Variants in CC2D1B observed in about 807,000 individuals in gnomAD.
The protein encoded by CC2D1B is coiled-coil and C2 domain containing 1B.
CC2D1B carries 92 observed loss-of-function variants against 110.8 expected under a neutral mutation model. That is an observed-to-expected ratio of 0.83 (90% confidence interval 0.70 to 0.99). The LOEUF is 0.99. CC2D1B is among the 50% of genes least tolerant of loss of function. The pLI is 0.00. For missense variants in CC2D1B, 1,136 were observed against 1,089.0 expected, an observed-to-expected ratio of 1.04 and a Z score of -0.61; for synonymous variants, 406 against 429.2, an observed-to-expected ratio of 0.95 and a Z score of 0.67.
At chr1:52,358,306 C>T in intron 13 of CC2D1B, 25 bp downstream of exon 13, 6 of 1,608,260 alleles carry the variant, frequency 3.7e-6, no homozygotes, top group Non-Finnish European at 5.1e-6. Flanking sequence ...CCCCACCAGC[C>T]CTGGAGTTGA....
chr1:52,360,617 G>C (rs2147895100), intron 5 of CC2D1B, 68 bp from the exon 6 acceptor site: 1 of 1,565,454 alleles, frequency 6.4e-7, no homozygotes, highest in East Asian at 2.3e-5. Flanking sequence ...TCCCTCTGCG[G>C]AAGCTGCCCT....
At position 52,357,150 on chromosome 1, in the gene CC2D1B, G is replaced by A. The variant is rs765174436; in HGVS notation, c.1753-24C>T. ...ACCTACCCAGGTCACAAGGCCCCTCGGGCCCCAAGAGTCAGATTACTCCTC... is the reference window on the plus strand; with the variant it reads ...ACCTACCCAGGTCACAAGGCCCCTCAGGCCCCAAGAGTCAGATTACTCCTC... On this transcript the variant is annotated intron_variant, in intron 15 of 24. Coordinates refer to ENST00000284376, the MANE Select transcript of CC2D1B (RefSeq NM_001330585.2). The A allele has an allele frequency of 2.6e-5, 42 of 1,613,030 alleles. No individual in the cohort carries two copies. The East Asian group carries it at 3.6e-4, about 14-fold the overall frequency.
intron 6 of CC2D1B, 44 bp from the exon 7 acceptor site, chr1:52,360,277 C>A: frequency 6.2e-7 from 1 of 1,610,028 alleles, no homozygotes; most frequent in Non-Finnish European, 8.5e-7. Flanking sequence ...GCCATCTCAG[C>A]CCAGACCCTG....
At position 52,357,715 on chromosome 1, in the gene CC2D1B, A is replaced by G; in HGVS notation, c.1580-17T>C. On this transcript the variant is annotated splice_polypyrimidine_tract_variant and intron_variant, in intron 14 of 24. Coordinates refer to ENST00000284376, the MANE Select transcript of CC2D1B (RefSeq NM_001330585.2). ...GCTCCCGCACTGAAGGGAGAAGGCC[A>G]CTGGTTAGGGCCACACCTGCCCTCT... 6.2e-7 allele frequency: 1 copy of G among 1,610,352 alleles called. No individual in the cohort carries two copies. Among genetic ancestry groups the G allele is most frequent in the African/African-American group, 1.3e-5 (1 of 75,032 alleles).
intron 21 of CC2D1B, 131 bp downstream of exon 21, chr1:52,355,265 AGC>A: frequency 1.1e-6 from 1 of 916,986 alleles, no homozygotes; most frequent in Non-Finnish European, 1.7e-6. Flanking sequence ...CTACAGAAGA[AGC>A]ATGTTAACAG....
chr1:52,358,410 G>A lies in CC2D1B; in HGVS notation c.1382C>T (p.Ala461Val). The A allele has an allele frequency of 1.9e-6, 3 of 1,614,094 alleles. No individual in the cohort carries two copies. Among genetic ancestry groups the A allele is most frequent in the Non-Finnish European group, 1.7e-6 (2 of 1,180,026 alleles). ...TGCAGCTGCCAATGTCGCTGCCACTGCGTCCTCCTCAACACCCATAGTGGA... is the reference window on the plus strand; with the variant it reads ...TGCAGCTGCCAATGTCGCTGCCACTACGTCCTCCTCAACACCCATAGTGGA... ...LESTMGVEED[A>V]VAATLAAAEK... The change falls in exon 13 of 25, where the codon GCA (alanine) becomes GTA (valine). Residue 461 changes from alanine to valine, a missense_variant. Physicochemically the swap from Ala to Val is moderately conservative, Grantham distance 64. Transcript: ENST00000284376.
rs1646545981 is a variant in CC2D1B, at chr1:52,352,467, T to G, written c.*758A>C. 1 of 152,660 alleles carries G rather than the reference T, an allele frequency of 6.6e-6. No individual in the cohort carries two copies. Among genetic ancestry groups the G allele is most frequent in the African/African-American group, 2.4e-5 (1 of 41,456 alleles). The allele number at this position is 152,660 out of a possible 1,614,324, so 9.5% of individuals were successfully genotyped here. A position where few individuals can be genotyped will look rare whatever the true frequency, so the allele number is the denominator to read the frequency against. ...TAGATTAGGACTTTGGTGGATACTC[T>G]GTATAGTTGAGTATAAAATCCCTAC... On this transcript the variant is annotated 3_prime_UTR_variant, in exon 25 of 25. Coordinates refer to ENST00000284376, the MANE Select transcript of CC2D1B (RefSeq NM_001330585.2).
At position 52,360,504 on chromosome 1, in the gene CC2D1B, G is replaced by T; in HGVS notation, c.523C>A (p.His175Asn). The T allele has an allele frequency of 6.2e-7, 1 of 1,614,110 alleles. No homozygotes were observed. Among genetic ancestry groups the T allele is most frequent in the South Asian group, 1.1e-5 (1 of 91,076 alleles). ...GLHALLEERI[H>N]NYREAAASAK... ...CTGGCCGCAGCCTCTCGGTAGTTGTGAATCCGTTCCTCCAGCAAAGCGTGT... is the reference window on the plus strand; with the variant it reads ...CTGGCCGCAGCCTCTCGGTAGTTGTTAATCCGTTCCTCCAGCAAAGCGTGT... Residue 175 changes from histidine (H) to asparagine (N), a missense_variant, in exon 6 of 25, where the codon CAC (histidine) becomes AAC (asparagine). Coordinates refer to ENST00000284376, the MANE Select transcript of CC2D1B (RefSeq NM_001330585.2).
chr1:52,354,462 A>G (rs1411372030), intron 23 of CC2D1B, 146 bp downstream of exon 23: 1 of 783,722 alleles, frequency 1.3e-6, no homozygotes, highest in South Asian at 1.4e-5. Context: ...CATCTGTGAA[A>G]TGAGGATTCC....
Position 52,359,380 on chromosome 1 carries a change from G to A in CC2D1B, c.1019-23C>T, listed in dbSNP as rs571639150. The A allele has an allele frequency of 3.1e-6, 5 of 1,613,158 alleles. No homozygotes were observed. In the African/African-American group the frequency reaches 5.3e-5, roughly 17 times the overall value. On this transcript the variant is annotated intron_variant, in intron 9 of 24. Coordinates refer to ENST00000284376, the MANE Select transcript of CC2D1B (RefSeq NM_001330585.2). ...GATCTGGGGGACCCAGAGTAGAGGT[G>A]TAGGTGGGAGGGCCTGGCCAGCCCC...
chr1:52,358,909 G>C lies in CC2D1B; in HGVS notation c.1257+118C>G. On this transcript the variant is annotated intron_variant, in intron 11 of 24. Coordinates refer to ENST00000284376, the MANE Select transcript of CC2D1B (RefSeq NM_001330585.2). ...GATCCCTAAGGCAGCAAGAGCCCCA[G>C]AGAGACAAACAGATGATGGTTCAGA... The C allele has an allele frequency of 4.0e-6, 6 of 1,487,492 alleles. No individual in the cohort carries two copies. The South Asian group carries it at 7.4e-5, about 18-fold the overall frequency. The allele number at this position is 1,487,492 out of a possible 1,614,324, so 92.1% of individuals were successfully genotyped here.
rs202101583 is a variant in CC2D1B, at chr1:52,357,478, C to T, written c.1752+48G>A. 547 of 1,529,970 alleles carry T rather than the reference C, an allele frequency of 3.6e-4. 1 individual carries two copies. The highest frequency in any genetic ancestry group is 1.1e-3 in the Admixed American group (54 of 50,202). 94.8% of individuals were successfully genotyped at this position (1,529,970 alleles called of 1,614,324 possible). On this transcript the variant is annotated intron_variant, in intron 15 of 24. Coordinates refer to ENST00000284376, the MANE Select transcript of CC2D1B (RefSeq NM_001330585.2). ...TTCACAGCCTGTCAAGCCTGCCAGCCGCCACCTCCGCCTGAGAAGTCCTGG... is the reference window on the plus strand; with the variant it reads ...TTCACAGCCTGTCAAGCCTGCCAGCTGCCACCTCCGCCTGAGAAGTCCTGG...
intron 21 of CC2D1B, 29 bp from the exon 22 acceptor site, chr1:52,354,968 G>A (rs1646615202): frequency 1.3e-5 from 20 of 1,571,262 alleles, no homozygotes; most frequent in Non-Finnish European, 1.8e-5. Context: ...GCAAGGAGGG[G>A]CTTGGCTCTC....
chr1:52,358,518 C>T (rs1443271069), intron 12 of CC2D1B, 57 bp from the exon 13 acceptor site: 10 of 1,609,436 alleles, frequency 6.2e-6, no homozygotes, highest in Non-Finnish European at 7.6e-6. Flanking sequence ...AAGCACAAAG[C>T]TACCCGGGGC....
intron 21 of CC2D1B, 137 bp downstream of exon 21, chr1:52,355,258 CAGA>C: frequency 2.3e-6 from 2 of 879,580 alleles, no homozygotes; most frequent in South Asian, 3.1e-5. Flanking sequence ...TCTCCAACTA[CAGA>C]AGAAGCATGT....
At chr1:52,358,979 C>T in intron 11 of CC2D1B, 48 bp downstream of exon 11, 1 of 1,592,016 alleles carries the variant, frequency 6.3e-7, no homozygotes. Context: ...GAGCACCCAG[C>T]CAGGGAAGAG....
rs140593492 is a variant in CC2D1B, at chr1:52,361,024, C to G, written c.427G>C (p.Glu143Gln). ...AGGACGGCTGTCTGCACTGGAGGTT[C>G]AGTGTCTTCTAGGCCGTTCTCCTCC... ...SEEENGLEDT[E>Q]PPVQTAVLTA... Residue 143 changes from glutamate to glutamine, a missense_variant, in exon 5 of 25, where the codon GAA becomes CAA. Glu to Gln is a conservative substitution (Grantham distance 29). Coordinates refer to ENST00000284376, the MANE Select transcript of CC2D1B (RefSeq NM_001330585.2). The G allele has an allele frequency of 5.8e-5, 93 of 1,614,032 alleles. No homozygotes were observed. The highest frequency in any genetic ancestry group is 7.5e-5 in the Non-Finnish European group (89 of 1,180,030).
chr1:52,362,278 A>G (rs1169182393), intron 3 of CC2D1B, among the ~76,000 whole-genome samples: 2 of 152,236 alleles, frequency 1.3e-5, no homozygotes, highest in Admixed American at 6.5e-5. Flanking sequence ...CTCGCTGGAC[A>G]CAATTTCTAT....
At chr1:52,357,975 C>G (rs1422184336) in intron 13 of CC2D1B, 77 bp from the exon 14 acceptor site, 35 of 1,508,896 alleles carry the variant, frequency 2.3e-5, no homozygotes, top group Non-Finnish European at 2.9e-5. Flanking sequence ...CTTGGGCTGT[C>G]TTCCTAACAC....
Sources: gnomAD v4.1 joint callset for allele counts (sites outside exome capture counted in the v4.1 genomes callset) on GRCh38, gnomAD v4.1.1 for gene constraint, MANE v1.5 for transcripts, NCBI Gene and HGNC (gene_info 2026-07-23, HGNC 2026-07-21) for gene names.